Variants in WDR7 observed in about 807,000 individuals in gnomAD.
WDR7 encodes WD repeat-containing protein 7.
Under a neutral mutation model 169.4 loss-of-function variants are expected in WDR7, and 46 were observed. That is an observed-to-expected ratio of 0.27 (90% confidence interval 0.21 to 0.35). The LOEUF (loss-of-function observed/expected upper bound fraction) is 0.35, where lower values mean the gene tolerates loss of function less well. WDR7 is among the 10% of genes least tolerant of loss of function. The pLI is 1.00. For synonymous variants in WDR7, 612 were observed against 666.8 expected (o/e 0.92, Z 1.27); for missense variants, 1,534 against 1,859.3 (o/e 0.83, Z 3.22).
rs555318362 is a variant in WDR7 at position 56,826,860 on chromosome 18, A to G, written c.3304+10716A>G. Among the ~76,000 whole-genome samples the G allele has an allele frequency of 4.2e-4, 64 of 152,354 alleles. 1 individual carries two copies. The highest frequency in any genetic ancestry group is 3.5e-3 in the Admixed American group (53 of 15,306). ...AATATTCAGTTTTATTCAATAAAACATGAATAAGTGCCTTATGTCTTCTAT... is the reference window on the plus strand; with the variant it reads ...AATATTCAGTTTTATTCAATAAAACGTGAATAAGTGCCTTATGTCTTCTAT... On this transcript the variant is annotated intron_variant, in intron 20 of 27. Coordinates refer to ENST00000254442, the MANE Select transcript of WDR7 (RefSeq NM_015285.3).
chr18:56,865,368 C>T (rs148310706), intron 20 of WDR7, among the ~76,000 whole-genome samples: 1 of 152,212 alleles, frequency 6.6e-6, no homozygotes, highest in East Asian at 1.9e-4. Context: ...TGGATTTAAA[C>T]ACACTATCGG....
intron 20 of WDR7, among the ~76,000 whole-genome samples, chr18:56,855,684 T>C (rs532089564): frequency 2.9e-4 from 44 of 152,316 alleles, no homozygotes; most frequent in African/African-American, 1.1e-3. Flanking sequence ...ACCAATACCA[T>C]GCTGTTTTAC....
rs569957247 is a variant in WDR7 at position 56,882,342 on chromosome 18, T to C, written c.3526+2177T>C. 2.0e-5 allele frequency among the ~76,000 whole-genome samples: 3 copies of C among 152,322 alleles called. No individual in the cohort carries two copies. The South Asian group carries it at 6.2e-4, about 32-fold the overall frequency. ...GATTTGGTGTGGTGGCTTTCAAACTTTTTTGCTCAATAACTCCCTGAGAGT... is the reference window on the plus strand; with the variant it reads ...GATTTGGTGTGGTGGCTTTCAAACTCTTTTGCTCAATAACTCCCTGAGAGT... On this transcript the variant is annotated intron_variant, in intron 21 of 27. Transcript: ENST00000254442.
intron 26 of WDR7, among the ~76,000 whole-genome samples, chr18:56,976,562 C>T (rs1335384877): frequency 6.6e-6 from 1 of 152,172 alleles, no homozygotes; most frequent in Non-Finnish European, 1.5e-5. Flanking sequence ...AAACCCGAGT[C>T]TATCAGGAGA....
chr18:56,740,348 T>A (rs111502497), intron 14 of WDR7, among the ~76,000 whole-genome samples: 87 of 152,296 alleles, frequency 5.7e-4, no homozygotes, highest in African/African-American at 1.9e-3. Context: ...AATCCTAATT[T>A]TCTTAAAATC....
At chr18:56,686,320 G>A (rs679221) in intron 6 of WDR7, among the ~76,000 whole-genome samples, 14,575 of 151,792 alleles carry the variant, frequency 0.096, 861 homozygotes, top group Non-Finnish European at 0.13. Context: ...CTCCTCAACT[G>A]CTTCTGTTTA....
intron 19 of WDR7, among the ~76,000 whole-genome samples, chr18:56,793,889 G>T (rs2044536046): frequency 6.6e-6 from 1 of 152,076 alleles, no homozygotes; most frequent in African/African-American, 2.4e-5. Flanking sequence ...AGGTATTTGG[G>T]GAGAAAACAC....
intron 1 of WDR7, among the ~76,000 whole-genome samples, chr18:56,661,146 C>T (rs1419199084): frequency 1.3e-5 from 2 of 152,068 alleles, no homozygotes; most frequent in African/African-American, 4.8e-5. Flanking sequence ...AAGTTCAGTG[C>T]TCAGTTTAGA....
intron 1 of WDR7, chr18:56,651,916 AG>A (rs1466113829): frequency 6.6e-6 from 1 of 152,334 alleles, no homozygotes. Flanking sequence ...GGTTATTGAC[AG>A]CAATTTTGGG....
chr18:56,653,617 A>G (rs1344355082), intron 1 of WDR7, among the ~76,000 whole-genome samples: 1 of 152,102 alleles, frequency 6.6e-6, no homozygotes, highest in African/African-American at 2.4e-5. Context: ...TATTAAATGT[A>G]TATTGTTCTG....
At chr18:56,873,649 T>TA (rs917043694) in intron 20 of WDR7, 2 of 152,354 alleles carry the variant, frequency 1.3e-5, no homozygotes, top group African/African-American at 4.8e-5. Flanking sequence ...TATTGATCAG[T>TA]ATCCCTGCAG....
intron 1 of WDR7, among the ~76,000 whole-genome samples, chr18:56,666,201 C>CTTT (rs71169386): frequency 0.022 from 2,180 of 101,002 alleles, 171 homozygotes; most frequent in African/African-American, 0.03. Context: ...ATTCCTTCGT[C>CTTT]TTTTTTTTTT....
intron 27 of WDR7, among the ~76,000 whole-genome samples, chr18:57,023,599 A>G (rs1361786637): frequency 6.6e-6 from 1 of 152,256 alleles, no homozygotes; most frequent in Non-Finnish European, 1.5e-5. Flanking sequence ...AAGGGAAGAA[A>G]AAAGCCAAAG....
chr18:56,852,305 T>C (rs2045652756), intron 20 of WDR7, among the ~76,000 whole-genome samples: 1 of 152,180 alleles, frequency 6.6e-6, no homozygotes, highest in East Asian at 1.9e-4. Context: ...AAAGGAAACT[T>C]GATCTTTATG....
At chr18:56,860,845 T>A (rs1363431411) in intron 20 of WDR7, among the ~76,000 whole-genome samples, 2 of 152,144 alleles carry the variant, frequency 1.3e-5, no homozygotes, top group Admixed American at 6.5e-5. Flanking sequence ...CCTCTTTTTT[T>A]TTCATGAACA....
chr18:56,983,934 AT>A (rs1373232168), intron 26 of WDR7, among the ~76,000 whole-genome samples: 1 of 151,934 alleles, frequency 6.6e-6, no homozygotes, highest in African/African-American at 2.4e-5. Context: ...TTCTTTTTTC[AT>A]TTCTTTTAAA....
chr18:57,007,272 C>T (rs999584750), intron 26 of WDR7, among the ~76,000 whole-genome samples: 1 of 152,150 alleles, frequency 6.6e-6, no homozygotes, highest in African/African-American at 2.4e-5. Flanking sequence ...AGCCACCGCT[C>T]CCGGCCTCCT....
At chr18:56,769,835 A>C (rs1199101340) in intron 16 of WDR7, among the ~76,000 whole-genome samples, 1 of 152,214 alleles carries the variant, frequency 6.6e-6, no homozygotes, top group African/African-American at 2.4e-5. Context: ...AGAGAAATAA[A>C]CAGTACTTAA....
intron 20 of WDR7, among the ~76,000 whole-genome samples, chr18:56,827,971 G>A (rs925155384): frequency 1.3e-5 from 2 of 152,126 alleles, no homozygotes; most frequent in African/African-American, 4.8e-5. Flanking sequence ...AATATGATAG[G>A]CTTCTTGCCT....
Sources: gnomAD v4.1 joint callset for allele counts (sites outside exome capture counted in the v4.1 genomes callset) on GRCh38, gnomAD v4.1.1 for gene constraint, MANE v1.5 for transcripts, NCBI Gene and HGNC (gene_info 2026-07-23, HGNC 2026-07-21) for gene names.